AGBL4: variants seen among roughly 807,000 people sequenced by gnomAD.
The protein encoded by AGBL4 is AGBL carboxypeptidase 4, also known as cytosolic carboxypeptidase 6.
Under a neutral mutation model 66.4 loss-of-function variants are expected in AGBL4, and 58 were observed. That is an observed-to-expected ratio of 0.87 (90% CI 0.71 to 1.09). AGBL4 has a LOEUF of 1.09. Ranked by LOEUF, AGBL4 falls within the 50% of genes least tolerant of loss-of-function variation. AGBL4 has a pLI of 0.00. For synonymous variants in AGBL4, 234 were observed against 222.9 expected (o/e 1.05, Z -0.44); for missense variants, 579 against 631.0 (o/e 0.92, Z 0.88).
At chr1:49,452,606 T>C (rs1646302306) in intron 3 of AGBL4, among the ~76,000 whole-genome samples, 1 of 151,902 alleles carries the variant, frequency 6.6e-6, no homozygotes, top group African/African-American at 2.4e-5. Context: ...ATCTTCTATA[T>C]CTTTCTCATT....
chr1:49,179,246 G>C (rs1646884981), intron 4 of AGBL4, among the ~76,000 whole-genome samples: 1 of 152,054 alleles, frequency 6.6e-6, no homozygotes, highest in Non-Finnish European at 1.5e-5. Context: ...AGCTCAATGA[G>C]GAATGATAGT....
intron 3 of AGBL4, among the ~76,000 whole-genome samples, chr1:49,428,288 G>A (rs747532968): frequency 6.6e-6 from 1 of 152,164 alleles, no homozygotes; most frequent in Non-Finnish European, 1.5e-5. Context: ...TAGTTCCACA[G>A]ATTCATAGTG....
chr1:49,542,495 G>C (rs1404650563), intron 3 of AGBL4, among the ~76,000 whole-genome samples: 1 of 152,058 alleles, frequency 6.6e-6, no homozygotes, highest in East Asian at 1.9e-4. Flanking sequence ...TCATGGTGAG[G>C]GTCTGCGGCT....
intron 8 of AGBL4, among the ~76,000 whole-genome samples, chr1:48,635,139 C>T (rs1348444484): frequency 6.6e-6 from 1 of 152,200 alleles, no homozygotes; most frequent in Admixed American, 6.5e-5. Context: ...CTTGCCTCCT[C>T]CCACCTCACC....
intron 1 of AGBL4, among the ~76,000 whole-genome samples, chr1:49,966,100 C>T (rs1657540332): frequency 6.6e-6 from 1 of 151,966 alleles, no homozygotes; most frequent in Admixed American, 6.6e-5. Flanking sequence ...TGCCACCATG[C>T]CTGGCTAATT....
At chr1:48,649,207 G>T (rs1228156838) in intron 8 of AGBL4, among the ~76,000 whole-genome samples, 1 of 152,112 alleles carries the variant, frequency 6.6e-6, no homozygotes, top group Admixed American at 6.6e-5. Context: ...TACAAATTAG[G>T]GCAAGAGCCA....
intron 3 of AGBL4, among the ~76,000 whole-genome samples, chr1:49,448,910 G>A (rs1646217787): frequency 6.6e-6 from 1 of 150,802 alleles, no homozygotes; most frequent in Admixed American, 6.6e-5. Flanking sequence ...ATACTTAAGG[G>A]ATAAGAATAC....
chr1:49,406,841 G>A (rs910069564), intron 3 of AGBL4, among the ~76,000 whole-genome samples: 18 of 151,814 alleles, frequency 1.2e-4, no homozygotes, highest in South Asian at 4.2e-4. Context: ...CGAGGTGGGC[G>A]GATCACGAGG....
At chr1:49,566,109 T>A (rs1403087969) in intron 3 of AGBL4, among the ~76,000 whole-genome samples, 1 of 152,254 alleles carries the variant, frequency 6.6e-6, no homozygotes, top group Non-Finnish European at 1.5e-5. Context: ...CTGAGGCTTA[T>A]GCATTCATCA....
chr1:49,220,622 C>A (rs1433672691), intron 4 of AGBL4, among the ~76,000 whole-genome samples: 2 of 152,118 alleles, frequency 1.3e-5, no homozygotes, highest in African/African-American at 4.8e-5. Context: ...AGAGAGTCAA[C>A]TACTCTGCTC....
chr1:49,936,730 C>T (rs1355979580), intron 1 of AGBL4, among the ~76,000 whole-genome samples: 1 of 152,094 alleles, frequency 6.6e-6, no homozygotes, highest in Non-Finnish European at 1.5e-5. Context: ...TCATATCCAG[C>T]CAAACTAAGC....
At chr1:49,598,987 G>T (rs921773590) in intron 3 of AGBL4, among the ~76,000 whole-genome samples, 1 of 152,136 alleles carries the variant, frequency 6.6e-6, no homozygotes, top group Non-Finnish European at 1.5e-5. Flanking sequence ...TGGATGTGCC[G>T]CTGGATTTGG....
At chr1:49,694,390 C>T (rs1235264224) in intron 3 of AGBL4, among the ~76,000 whole-genome samples, 4 of 152,072 alleles carry the variant, frequency 2.6e-5, no homozygotes, top group Non-Finnish European at 1.5e-5. Context: ...GATCTTTATG[C>T]CTTCTTGCGA....
intron 3 of AGBL4, chr1:49,268,067 T>G (rs1051265081): frequency 6.6e-6 from 1 of 152,156 alleles, no homozygotes; most frequent in African/African-American, 2.4e-5. Flanking sequence ...TTTAAACCTA[T>G]TATTTATTAA....
intron 3 of AGBL4, among the ~76,000 whole-genome samples, chr1:49,516,946 C>A (rs533673074): frequency 6.6e-6 from 1 of 151,902 alleles, no homozygotes. Flanking sequence ...ATAATAAAAA[C>A]GATAATCAAA....
chr1:48,547,300 A>T (rs1015289132), intron 11 of AGBL4, among the ~76,000 whole-genome samples: 1 of 152,170 alleles, frequency 6.6e-6, no homozygotes, highest in African/African-American at 2.4e-5. Context: ...GCAATGGTAC[A>T]GGGGAAGAAA....
chr1:49,717,752 G>C (rs1161070408), intron 2 of AGBL4, among the ~76,000 whole-genome samples: 1 of 152,092 alleles, frequency 6.6e-6, no homozygotes, highest in South Asian at 2.1e-4. Flanking sequence ...ACCTGTAGTA[G>C]TGTCTGGCCT....
At chr1:49,344,963 A>T (rs1261025533) in intron 3 of AGBL4, among the ~76,000 whole-genome samples, 1 of 152,152 alleles carries the variant, frequency 6.6e-6, no homozygotes, top group African/African-American at 2.4e-5. Flanking sequence ...GTGATCTGGG[A>T]TTCTCTTTTA....
chr1:49,573,420 T>C (rs941296587), intron 3 of AGBL4, among the ~76,000 whole-genome samples: 8 of 152,088 alleles, frequency 5.3e-5, no homozygotes, highest in Non-Finnish European at 1.2e-4. Context: ...ACAAAATAAA[T>C]GCATTTGACA....
Sources: allele counts gnomAD v4.1 joint callset (sites outside exome capture counted in the v4.1 genomes callset), GRCh38; gene constraint gnomAD v4.1.1; transcripts MANE v1.5; gene names NCBI Gene and HGNC (gene_info 2026-07-23, HGNC 2026-07-21).